VAV1: variants seen among roughly 807,000 people sequenced by gnomAD.
The protein encoded by VAV1 is vav guanine nucleotide exchange factor 1.
Under a neutral mutation model 128.1 loss-of-function variants are expected in VAV1, and 33 were observed. The observed-to-expected ratio is 0.26, with a 90% CI of 0.20 to 0.34. VAV1 has a LOEUF of 0.34. Ranked by LOEUF, VAV1 falls within the 10% of genes least tolerant of loss-of-function variation. VAV1 has a pLI of 1.00. For synonymous variants in VAV1, 394 were observed against 409.8 expected (o/e 0.96, Z 0.47); for missense variants, 715 against 1,093.7 (o/e 0.65, Z 4.88).
chr19:6,846,085 T>A (rs1251600730), intron 22 of VAV1, among the ~76,000 whole-genome samples: 1 of 149,196 alleles, frequency 6.7e-6, no homozygotes, highest in Non-Finnish European at 1.5e-5. Flanking sequence ...TTATATATGT[T>A]ACATTTATGT....
At position 6,825,071 on chromosome 19, in the gene VAV1, C is replaced by G; in HGVS notation, c.673C>G (p.Gln225Glu). ...CCCGCAGCATTTCTTGAAGCCCCTG[C>G]AACGGTTCCTGAAACCTCAAGACAT... ...SIQQHFLKPL[Q>E]RFLKPQDIEI... The change falls in exon 7 of 27, where the codon CAA becomes GAA. Residue 225 changes from glutamine (Q) to glutamate (E), a missense_variant. Gln to Glu is a conservative substitution (Grantham distance 29, BLOSUM62 2). Transcript: ENST00000602142. 6.2e-7 allele frequency: 1 copy of G among 1,613,704 alleles called. No individual in the cohort carries two copies. The highest frequency in any genetic ancestry group is 8.5e-7 in the Non-Finnish European group (1 of 1,180,022).
At chr19:6,775,763 T>C (rs1418026112) in intron 1 of VAV1, among the ~76,000 whole-genome samples, 1 of 152,156 alleles carries the variant, frequency 6.6e-6, no homozygotes, top group Non-Finnish European at 1.5e-5. Flanking sequence ...ACAACCTCTC[T>C]GGGTTTCTGG....
At position 6,821,665 on chromosome 19, in the gene VAV1, A is replaced by G. The variant is rs1199160941; in HGVS notation, c.365A>G (p.Gln122Arg). ...GCTCTGTCCTGGACCCCGATCGCCC[A>G]GAACAGGGGGATCATGTGAGTAACC... is the stretch of plus-strand genomic sequence containing the variant. ...LSALSWTPIA[Q>R]NRGIMPFPTE... The change falls in exon 3 of 27, where the codon CAG becomes CGG. Residue 122 changes from glutamine (Q) to arginine (R), a missense_variant. Gln to Arg is a conservative substitution (Grantham distance 43, BLOSUM62 1). Coordinates refer to ENST00000602142, the MANE Select transcript of VAV1 (RefSeq NM_005428.4). The G allele has an allele frequency of 1.9e-6, 3 of 1,614,178 alleles. No homozygotes were observed. Among genetic ancestry groups the G allele is most frequent in the East Asian group, 2.2e-5 (1 of 44,868 alleles).
In VAV1 at chr19:6,828,176, C is replaced by T. The variant is rs373685773; in HGVS notation, c.1023+5C>T. On this transcript the variant is annotated splice_donor_5th_base_variant and intron_variant, in intron 10 of 26. Transcript: ENST00000602142. The surrounding 1 kb of genome is among the most constrained non-coding windows in gnomAD (Gnocchi z 4.5). ...AAATATCACCTCCTTCTCCAGGTGC[C>T]AGGCACATCTCTAGGCGTGGGCTCC... 1 of 1,614,042 alleles carries T rather than the reference C, an allele frequency of 6.2e-7. No individual in the cohort carries two copies. The highest frequency in any genetic ancestry group is 8.5e-7 in the Non-Finnish European group (1 of 1,179,960).
At chr19:6,773,449 C>A (rs1010923667) in intron 1 of VAV1, among the ~76,000 whole-genome samples, 3 of 152,166 alleles carry the variant, frequency 2.0e-5, no homozygotes, top group Non-Finnish European at 2.9e-5. Context: ...CATCTTCCCC[C>A]ACATGTGTCT....
chr19:6,785,051 C>T (rs1970856795), intron 1 of VAV1, among the ~76,000 whole-genome samples: 1 of 152,212 alleles, frequency 6.6e-6, no homozygotes, highest in African/African-American at 2.4e-5. Context: ...GCCAAATCGG[C>T]CACCCAGCAC....
chr19:6,792,869 G>T (rs191056899), intron 1 of VAV1, among the ~76,000 whole-genome samples: 2 of 152,222 alleles, frequency 1.3e-5, no homozygotes, highest in African/African-American at 4.8e-5. Context: ...AGAGGCCAGA[G>T]ATGCTTCTGA....
At chr19:6,837,131 C>T in intron 21 of VAV1, 81 bp downstream of exon 21, 3 of 1,462,316 alleles carry the variant, frequency 2.1e-6, no homozygotes, top group Non-Finnish European at 2.9e-6. Flanking sequence ...TGGAAAGACA[C>T]CCCCGGAGTT....
At chr19:6,854,290 G>A (rs913047246) in intron 26 of VAV1, among the ~76,000 whole-genome samples, 192 bp downstream of exon 26, 2 of 152,236 alleles carry the variant, frequency 1.3e-5, no homozygotes, top group African/African-American at 4.8e-5. Flanking sequence ...AGCACCTGCT[G>A]TGTGCAGACA....
chr19:6,839,411 C>T (rs10415002), intron 21 of VAV1, among the ~76,000 whole-genome samples: 5,678 of 151,898 alleles, frequency 0.037, 325 homozygotes, highest in African/African-American at 0.13. Flanking sequence ...AGATTACAGG[C>T]GTGCACCACC....
At chr19:6,773,148 C>A in intron 1 of VAV1, 137 bp downstream of exon 1, 2 of 1,186,088 alleles carry the variant, frequency 1.7e-6, no homozygotes, top group East Asian at 2.5e-5. Context: ...CCAGGGCTGG[C>A]CCAGGGGGTG....
intron 15 of VAV1, 46 bp downstream of exon 15, chr19:6,832,246 G>A: frequency 6.3e-7 from 1 of 1,591,360 alleles, no homozygotes; most frequent in African/African-American, 1.3e-5. Flanking sequence ...GAGGGGCAGG[G>A]GCTGGGAAGG....
intron 1 of VAV1, among the ~76,000 whole-genome samples, chr19:6,799,840 GTC>G (rs2044439123): frequency 9.6e-6 from 1 of 104,298 alleles, no homozygotes; most frequent in Non-Finnish European, 1.7e-5. Flanking sequence ...GACTGAGACT[GTC>G]TCAAAAAAAA....
Position 6,833,916 on chromosome 19 carries a change from A to G in VAV1, c.1740A>G (p.Leu580=), listed in dbSNP as rs1972154238. The G allele has an allele frequency of 6.2e-7, 1 of 1,613,976 alleles. No homozygotes were observed. Among genetic ancestry groups the G allele is most frequent in the African/African-American group, 1.3e-5 (1 of 74,926 alleles). ...DFPGTMKKDK[L]HRRAQDKKRN... is the part of the protein sequence containing the mutation. The stretch of plus-strand genomic sequence containing the variant: ...TTTGTTTCTCCTTCCAGGACAAACT[A>G]CATCGCAGGGCTCAGGACAAAAAGA... Residue 580 remains leucine (L), a synonymous_variant, in exon 19 of 27, where the codon CTA becomes CTG. Transcript: ENST00000602142.
rs2144835504 is a variant in VAV1 at position 6,854,053 on chromosome 19, C to A, written c.2439C>A (p.Asn813Lys). The A allele has an allele frequency of 6.2e-7, 1 of 1,613,878 alleles. No individual in the cohort carries two copies. Among genetic ancestry groups the A allele is most frequent in the Non-Finnish European group, 8.5e-7 (1 of 1,180,024 alleles). ...LKEGDIIKIL[N>K]KKGQQGWWRG... ...AGGGTGACATCATCAAGATCCTTAA[C>A]AAGAAGGGACAGCAAGGCTGGTGGC... Residue 813 changes from asparagine to lysine, a missense_variant, in exon 26 of 27, where the codon AAC becomes AAA. Around this residue, in one of 3 missense-constraint regions of VAV1, gnomAD observed 407 missense variants for 580.6 expected, o/e 0.70. Transcript: ENST00000602142.
intron 26 of VAV1, among the ~76,000 whole-genome samples, chr19:6,855,842 TATCC>T (rs905572955): frequency 1.5e-3 from 192 of 129,410 alleles, no homozygotes; most frequent in African/African-American, 5.4e-3. Context: ...TCTATCTATC[TATCC>T]ATTCATTATC....
At chr19:6,833,320 C>T in intron 16 of VAV1, 35 bp downstream of exon 16, 1 of 1,579,404 alleles carries the variant, frequency 6.3e-7, no homozygotes, top group Non-Finnish European at 8.6e-7. Context: ...GCATACCGGA[C>T]TTGGTCATCA....
At chr19:6,824,557 A>C (rs1441162852) in intron 6 of VAV1, among the ~76,000 whole-genome samples, 1 of 150,592 alleles carries the variant, frequency 6.6e-6, no homozygotes, top group Non-Finnish European at 1.5e-5. Context: ...TTTGAGATAG[A>C]GTCTCACTCT....
chr19:6,806,227 C>G (rs533179343), intron 1 of VAV1, among the ~76,000 whole-genome samples: 1 of 152,254 alleles, frequency 6.6e-6, no homozygotes, highest in Admixed American at 6.5e-5. Flanking sequence ...GCTGGGATTA[C>G]AGGTGCATTC....
Sources: allele counts gnomAD v4.1 joint callset (sites outside exome capture counted in the v4.1 genomes callset), GRCh38; gene constraint gnomAD v4.1.1; regional missense constraint gnomAD v4.1.1; non-coding constraint Gnocchi (gnomAD v3.1); transcripts MANE v1.5; gene names NCBI Gene and HGNC (gene_info 2026-07-23, HGNC 2026-07-21).